Variants in BOC observed in about 807,000 individuals in gnomAD.
BOC encodes the protein BOC cell adhesion associated, oncogene regulated.
A neutral mutation model predicts 112.0 loss-of-function variants in BOC; 76 were observed. The observed-to-expected ratio is 0.68, with a 90% CI of 0.56 to 0.82. The LOEUF is 0.82. BOC is among the 40% of genes least tolerant of loss of function. The pLI, the probability that BOC is intolerant of heterozygous loss-of-function variation, is 0.00. For missense variants in BOC, 1,309 were observed against 1,511.7 expected, an observed-to-expected ratio of 0.87 and a Z score of 2.22; for synonymous variants, 580 against 599.8, an observed-to-expected ratio of 0.97 and a Z score of 0.48.
chr3:113,284,091 C>T (rs964425747), intron 16 of BOC, among the ~76,000 whole-genome samples: 3 of 152,118 alleles, frequency 2.0e-5, no homozygotes, highest in Admixed American at 6.5e-5. Context: ...CTCCTGCCCC[C>T]AAGCCCTGGA....
At chr3:113,284,981 T>A in intron 18 of BOC, 123 bp downstream of exon 18, 1 of 811,440 alleles carries the variant, frequency 1.2e-6, no homozygotes, top group Non-Finnish European at 2.0e-6. Flanking sequence ...TCCCCGTGAC[T>A]GACAATCATG....
chr3:113,281,302 C>G, intron 15 of BOC, 149 bp downstream of exon 15: 1 of 981,126 alleles, frequency 1.0e-6, no homozygotes, highest in Non-Finnish European at 1.5e-6. Context: ...ATGTTTCACT[C>G]TCTACTCATT....
chr3:113,284,638 G>A (rs1949504417), intron 17 of BOC, 71 bp downstream of exon 17: 2 of 1,536,656 alleles, frequency 1.3e-6, no homozygotes, highest in South Asian at 1.2e-5. Context: ...GCCTTGGGGG[G>A]CCTCCTCCCT....
In BOC at chr3:113,285,251, T is replaced by G. The variant is rs139093246; in HGVS notation, c.2967-121T>G. ...GATGTTCAAAGGGGAGAGCAGTCCTTGCCCCATCTGAGCTCTCACCAGCTC... is the reference window on the plus strand; with the variant it reads ...GATGTTCAAAGGGGAGAGCAGTCCTGGCCCCATCTGAGCTCTCACCAGCTC... On this transcript the variant is annotated intron_variant, in intron 18 of 19. Transcript: ENST00000682979. 1,355 of 884,152 alleles carry G rather than the reference T, an allele frequency of 1.5e-3. 21 individuals carry two copies. In the African/African-American group the frequency reaches 0.02, roughly 13 times the overall value. The allele number at this position is 884,152 out of a possible 1,614,324, so 54.8% of individuals were successfully genotyped here.
At chr3:113,225,804 G>C (rs76948239) in intron 2 of BOC, among the ~76,000 whole-genome samples, 1 of 152,312 alleles carries the variant, frequency 6.6e-6, no homozygotes, top group Admixed American at 6.5e-5. Flanking sequence ...AGCCTGGAAG[G>C]CTGTAACGGT....
chr3:113,249,716 C>G lies in BOC; in HGVS notation c.-81-6C>G, dbSNP rs1945368676. 1.8e-6 allele frequency: 2 copies of G among 1,139,522 alleles called. No individual in the cohort carries two copies. The highest frequency in any genetic ancestry group is 2.9e-5 in the South Asian group (2 of 67,878). The allele number at this position is 1,139,522 out of a possible 1,614,324, so 70.6% of individuals were successfully genotyped here. ...GCCATTGCTCTCCCTTTCTCTCTTA[C>G]AACAGAGTGTTGCCAGGGACGGCAG... On this transcript the variant is annotated splice_polypyrimidine_tract_variant and splice_region_variant and intron_variant, in intron 2 of 19. Transcript: ENST00000682979.
In BOC at chr3:113,217,131, G is replaced by A. The variant is rs111952691; in HGVS notation, c.-82+857G>A. Among the ~76,000 whole-genome samples the A allele has an allele frequency of 4.6e-3, 703 of 152,262 alleles. 3 individuals are homozygous for A. Among genetic ancestry groups the A allele is most frequent in the African/African-American group, 0.015 (634 of 41,548 alleles). ...CAGGAATTAATACCAGAGCCCATGCGCCATCCAGAATCCTATTACTGGCCT... is the reference window on the plus strand; with the variant it reads ...CAGGAATTAATACCAGAGCCCATGCACCATCCAGAATCCTATTACTGGCCT... On this transcript the variant is annotated intron_variant, in intron 2 of 19. Transcript: ENST00000682979.
chr3:113,252,467 A>C (rs77735894), intron 4 of BOC, among the ~76,000 whole-genome samples: 3,310 of 152,178 alleles, frequency 0.022, 108 homozygotes, highest in African/African-American at 0.074. Context: ...CCCTCTATCC[A>C]AGAAAGCTGG....
At chr3:113,262,512 C>T (rs1947000986) in intron 4 of BOC, among the ~76,000 whole-genome samples, 1 of 152,214 alleles carries the variant, frequency 6.6e-6, no homozygotes, top group Non-Finnish European at 1.5e-5. Flanking sequence ...GCTTTGTGGG[C>T]TGCAGGGGGT....
chr3:113,282,736 A>T (rs1274412764), intron 15 of BOC, among the ~76,000 whole-genome samples: 1 of 152,078 alleles, frequency 6.6e-6, no homozygotes, highest in Non-Finnish European at 1.5e-5. Flanking sequence ...GTGGAGGCAG[A>T]CGGCACAGAG....
At chr3:113,271,144 GC>G (rs1370811146) in intron 6 of BOC, 200 bp downstream of exon 6, 2 of 747,430 alleles carry the variant, frequency 2.7e-6, no homozygotes, top group African/African-American at 3.4e-5. Flanking sequence ...GCATCTCACA[GC>G]ACACAGCACC....
intron 7 of BOC, 53 bp from the exon 8 acceptor site, chr3:113,273,016 G>T (rs1948298337): frequency 2.6e-6 from 4 of 1,556,206 alleles, no homozygotes; most frequent in African/African-American, 2.7e-5. Flanking sequence ...AGCCCATCTG[G>T]CCCTGGGACA....
intron 4 of BOC, among the ~76,000 whole-genome samples, chr3:113,257,327 C>G (rs573318335): frequency 6.6e-6 from 1 of 152,312 alleles, no homozygotes; most frequent in Non-Finnish European, 1.5e-5. Flanking sequence ...AAGATGCAGA[C>G]ACAGAGACCC....
intron 9 of BOC, among the ~76,000 whole-genome samples, chr3:113,276,639 G>GAATC (rs1483103525): frequency 5.3e-5 from 8 of 152,192 alleles, no homozygotes; most frequent in African/African-American, 1.4e-4. Flanking sequence ...TGGGGATTGG[G>GAATC]AATCATTCAG....
At chr3:113,213,172 G>C (rs1938586203) in intron 1 of BOC, among the ~76,000 whole-genome samples, 1 of 152,170 alleles carries the variant, frequency 6.6e-6, no homozygotes, top group Admixed American at 6.5e-5. Context: ...GGGGTGTTCT[G>C]CTGCTCCCCT....
chr3:113,271,032 G>A, intron 6 of BOC, 88 bp downstream of exon 6: 1 of 1,573,118 alleles, frequency 6.4e-7, no homozygotes. Context: ...ACCTGGAGGT[G>A]CCACATCCAA....
intron 4 of BOC, among the ~76,000 whole-genome samples, chr3:113,267,912 C>T (rs1184099587): frequency 6.6e-6 from 1 of 152,218 alleles, no homozygotes; most frequent in Non-Finnish European, 1.5e-5. Flanking sequence ...TCGTTCCCTT[C>T]CATCTCCATT....
At chr3:113,227,229 G>C (rs1258397277) in intron 2 of BOC, among the ~76,000 whole-genome samples, 1 of 152,222 alleles carries the variant, frequency 6.6e-6, no homozygotes, top group African/African-American at 2.4e-5. Context: ...AGGTAGAGAA[G>C]TGGAGGCACA....
chr3:113,280,547 A>C lies in BOC; in HGVS notation c.2206-11A>C. ...CCCATTGTCAACTTGTTTCTTCTCCATTCCCTATAGTACATCCCAGCAAGT... is the reference window on the plus strand; with the variant it reads ...CCCATTGTCAACTTGTTTCTTCTCCCTTCCCTATAGTACATCCCAGCAAGT... On this transcript the variant is annotated splice_polypyrimidine_tract_variant and intron_variant, in intron 13 of 19. Coordinates refer to ENST00000682979, the MANE Select transcript of BOC (RefSeq NM_001378074.1). 6.4e-7 allele frequency: 1 copy of C among 1,573,154 alleles called. No homozygotes were observed. Among genetic ancestry groups the C allele is most frequent in the Non-Finnish European group, 8.8e-7 (1 of 1,142,814 alleles).
Sources: gnomAD v4.1 joint callset for allele counts (sites outside exome capture counted in the v4.1 genomes callset) on GRCh38, gnomAD v4.1.1 for gene constraint, MANE v1.5 for transcripts, NCBI Gene and HGNC (gene_info 2026-07-23, HGNC 2026-07-21) for gene names.